The following PTPRK variants were observed in gnomAD, a reference collection of about 807,000 sequenced individuals.
PTPRK encodes receptor-type tyrosine-protein phosphatase kappa.
Under a neutral mutation model 178.0 loss-of-function variants are expected in PTPRK, and 75 were observed. The ratio of observed to expected loss-of-function variants is 0.42; its 90% confidence interval spans 0.35 to 0.51. PTPRK has a LOEUF of 0.51. Among genes scored for constraint, PTPRK ranks in the 20% least tolerant of loss-of-function variants. The probability of loss-of-function intolerance (pLI) is 0.02; values close to 1 mark genes in which losing one functional copy is unlikely to be tolerated. For synonymous variants in PTPRK, 637 were observed against 620.6 expected (o/e 1.03, Z -0.39); for missense variants, 1,441 against 1,797.8 (o/e 0.80, Z 3.59).
At chr6:128,353,535 T>C (rs1453933575) in intron 2 of PTPRK, among the ~76,000 whole-genome samples, 1 of 152,234 alleles carries the variant, frequency 6.6e-6, no homozygotes, top group African/African-American at 2.4e-5. Flanking sequence ...AAAGGAACTA[T>C]TAATATGCAC....
At chr6:128,291,715 A>T (rs1181576296) in intron 3 of PTPRK, among the ~76,000 whole-genome samples, 1 of 152,048 alleles carries the variant, frequency 6.6e-6, no homozygotes, top group Admixed American at 6.6e-5. Context: ...TCAGTCCTTT[A>T]CCTGCATCAA....
At chr6:128,389,413 G>GTTTTTTT (rs11443907) in intron 2 of PTPRK, among the ~76,000 whole-genome samples, 1 of 144,438 alleles carries the variant, frequency 6.9e-6, no homozygotes, top group Non-Finnish European at 1.5e-5. Flanking sequence ...GTTTTTTTTT[G>GTTTTTTT]TTTTTTTTGT....
At chr6:128,033,132 T>A (rs1343943532) in intron 13 of PTPRK, among the ~76,000 whole-genome samples, 1 of 152,140 alleles carries the variant, frequency 6.6e-6, no homozygotes, top group Non-Finnish European at 1.5e-5. Context: ...ATTTCTAAAT[T>A]TTTTTCTAGT....
chr6:128,148,675 C>A (rs962639015), intron 7 of PTPRK, among the ~76,000 whole-genome samples: 67 of 152,068 alleles, frequency 4.4e-4, no homozygotes, highest in African/African-American at 1.5e-3. Flanking sequence ...ATATACCAAT[C>A]CGAGCAGAAA....
intron 3 of PTPRK, among the ~76,000 whole-genome samples, chr6:128,312,032 T>C (rs952070469): frequency 6.6e-6 from 1 of 152,196 alleles, no homozygotes; most frequent in African/African-American, 2.4e-5. Flanking sequence ...GGTTCAATGA[T>C]GTATGGACAC....
At chr6:128,140,447 C>A (rs1211583824) in intron 7 of PTPRK, among the ~76,000 whole-genome samples, 1 of 151,954 alleles carries the variant, frequency 6.6e-6, no homozygotes, top group Non-Finnish European at 1.5e-5. Flanking sequence ...GTCTACAACA[C>A]CTCTACTTTA....
intron 2 of PTPRK, among the ~76,000 whole-genome samples, chr6:128,345,636 A>C (rs962119945): frequency 6.6e-6 from 1 of 152,230 alleles, no homozygotes; most frequent in South Asian, 2.1e-4. Flanking sequence ...AGAAGCAAGA[A>C]TGTTTTTCAA....
At chr6:128,168,918 A>T (rs78145729) in intron 7 of PTPRK, among the ~76,000 whole-genome samples, 6 of 152,050 alleles carry the variant, frequency 3.9e-5, no homozygotes, top group Admixed American at 2.0e-4. Context: ...GGCAATCCTG[A>T]CATTTGTGAC....
At chr6:128,021,270 C>T (rs1221924708) in intron 13 of PTPRK, among the ~76,000 whole-genome samples, 1 of 152,152 alleles carries the variant, frequency 6.6e-6, no homozygotes, top group East Asian at 1.9e-4. Context: ...TATAGATTGT[C>T]CAATTCTAGA....
At chr6:128,239,936 C>T (rs1435591852) in intron 5 of PTPRK, 99 bp downstream of exon 5, 1 of 874,698 alleles carries the variant, frequency 1.1e-6, no homozygotes, top group Non-Finnish European at 1.8e-6. Flanking sequence ...CACACGCACA[C>T]ACACACACAC....
chr6:128,256,903 T>C (rs1817427064), intron 3 of PTPRK, among the ~76,000 whole-genome samples: 1 of 152,180 alleles, frequency 6.6e-6, no homozygotes, highest in Non-Finnish European at 1.5e-5. Flanking sequence ...CAAGCAATTT[T>C]GTAGAACATC....
chr6:128,229,148 T>G (rs866761320), intron 5 of PTPRK, among the ~76,000 whole-genome samples: 2 of 152,176 alleles, frequency 1.3e-5, no homozygotes, highest in African/African-American at 4.8e-5. Context: ...CATAGTTACA[T>G]TTAGAAGTGA....
chr6:128,041,863 T>C lies in PTPRK; in HGVS notation c.2194+22895A>G, dbSNP rs567746998. The stretch of plus-strand genomic sequence containing the variant: ...CATTTGTGTGTTGTCTGTGTATATA[T>C]AGCTATATATATAGTTTTATAAAAG... On this transcript the variant is annotated intron_variant, in intron 13 of 29. Coordinates refer to ENST00000368226, the MANE Select transcript of PTPRK (RefSeq NM_002844.4). 2.6e-5 allele frequency among the ~76,000 whole-genome samples: 4 copies of C among 151,938 alleles called. No homozygotes were observed. The South Asian group carries it at 8.3e-4, about 31-fold the overall frequency.
At chr6:128,050,139 G>GAAA (rs59066990) in intron 13 of PTPRK, among the ~76,000 whole-genome samples, 1 of 144,780 alleles carries the variant, frequency 6.9e-6, no homozygotes, top group Non-Finnish European at 1.5e-5. Context: ...TCCGCCTCAA[G>GAAA]AAAAAAAAAA....
chr6:128,216,165 T>C (rs1583524106), intron 6 of PTPRK, among the ~76,000 whole-genome samples: 1 of 152,112 alleles, frequency 6.6e-6, no homozygotes, highest in East Asian at 1.9e-4. Context: ...GGATAACAAA[T>C]TCAAAATGCC....
At chr6:128,414,255 G>A (rs952710572) in intron 1 of PTPRK, among the ~76,000 whole-genome samples, 9 of 152,150 alleles carry the variant, frequency 5.9e-5, no homozygotes, top group African/African-American at 2.2e-4. Context: ...TCTCCAGGTA[G>A]GAAAGGTATC....
intron 7 of PTPRK, among the ~76,000 whole-genome samples, chr6:128,127,184 T>C (rs1158427358): frequency 2.0e-5 from 3 of 152,250 alleles, no homozygotes; most frequent in Non-Finnish European, 2.9e-5. Context: ...TCTTGACTAC[T>C]GTAGCTTAAC....
At chr6:128,504,703 G>C (rs1856071172) in intron 1 of PTPRK, among the ~76,000 whole-genome samples, 2 of 152,136 alleles carry the variant, frequency 1.3e-5, no homozygotes, top group Non-Finnish European at 2.9e-5. Flanking sequence ...CACCTTTCCT[G>C]GTTGTGGGTT....
At chr6:128,374,567 C>T (rs1380780107) in intron 2 of PTPRK, among the ~76,000 whole-genome samples, 1 of 152,164 alleles carries the variant, frequency 6.6e-6, no homozygotes, top group African/African-American at 2.4e-5. Context: ...CTATCTTTCT[C>T]TCACACCAGA....
Sources: allele counts gnomAD v4.1 joint callset (sites outside exome capture counted in the v4.1 genomes callset), GRCh38; gene constraint gnomAD v4.1.1; transcripts MANE v1.5; gene names NCBI Gene and HGNC (gene_info 2026-07-23, HGNC 2026-07-21).